Variants in RMDN2 observed in about 807,000 individuals in gnomAD.
RMDN2 encodes regulator of microtubule dynamics 2.
RMDN2 carries 61 observed loss-of-function variants against 52.8 expected under a neutral mutation model. That is an observed-to-expected ratio of 1.16 (90% CI 0.94 to 1.43). RMDN2 has a LOEUF of 1.43. RMDN2 is among the 40% of genes most tolerant of loss of function. RMDN2 has a pLI of 0.00. For missense variants in RMDN2, 592 were observed against 475.3 expected (o/e 1.25, Z -2.28); for synonymous variants, 180 against 153.1 (o/e 1.18, Z -1.30).
intron 2 of RMDN2, among the ~76,000 whole-genome samples, chr2:37,936,074 G>A (rs567010394): frequency 2.2e-4 from 34 of 152,074 alleles, no homozygotes; most frequent in African/African-American, 7.7e-4. Context: ...GACAGTCCCC[G>A]GTGTGTGATG....
At chr2:38,055,897 C>T (rs1474917141) in intron 10 of RMDN2, among the ~76,000 whole-genome samples, 2 of 152,138 alleles carry the variant, frequency 1.3e-5, no homozygotes, top group Non-Finnish European at 2.9e-5. Context: ...GTCATCTTCC[C>T]TGAAGACTGG....
At chr2:38,052,499 C>T (rs1681662478) in intron 10 of RMDN2, among the ~76,000 whole-genome samples, 2 of 152,098 alleles carry the variant, frequency 1.3e-5, no homozygotes, top group Admixed American at 6.5e-5. Flanking sequence ...TTGATTGTTT[C>T]CTTTGCTGTA....
At chr2:38,028,815 T>C (rs559307339) in intron 10 of RMDN2, among the ~76,000 whole-genome samples, 260 of 152,238 alleles carry the variant, frequency 1.7e-3, no homozygotes, top group African/African-American at 5.5e-3. Flanking sequence ...TTTTATATCC[T>C]TCTCCTTGGG....
downstream of RMDN2, among the ~76,000 whole-genome samples, chr2:38,018,868 A>G (rs1010625760): frequency 6.6e-6 from 1 of 152,222 alleles, no homozygotes; most frequent in Non-Finnish European, 1.5e-5. Context: ...TCCCAAATAC[A>G]TGGGTGCACA....
At chr2:38,005,717 T>TTTGTGAA (rs1676984081) in intron 10 of RMDN2, among the ~76,000 whole-genome samples, 1 of 152,232 alleles carries the variant, frequency 6.6e-6, no homozygotes, top group African/African-American at 2.4e-5. Flanking sequence ...TTAGATCCCA[T>TTTGTGAA]TTGTGAATTT....
chr2:38,039,073 CACACACACACACACACACACAG>C (rs929728935), intron 10 of RMDN2, among the ~76,000 whole-genome samples: 1 of 110,240 alleles, frequency 9.1e-6, no homozygotes, highest in African/African-American at 3.8e-5. Flanking sequence ...CACACACACA[CACACACACACACACACACACAG>C]AGAGAGAGAT....
At chr2:37,936,197 C>T (rs965091466) in intron 2 of RMDN2, among the ~76,000 whole-genome samples, 2 of 152,170 alleles carry the variant, frequency 1.3e-5, no homozygotes, top group African/African-American at 4.8e-5. Context: ...TGGTTTCCAG[C>T]TTCATCCGTG....
At chr2:38,013,598 C>G (rs1240647857) in intron 10 of RMDN2, among the ~76,000 whole-genome samples, 1 of 152,194 alleles carries the variant, frequency 6.6e-6, no homozygotes, top group Non-Finnish European at 1.5e-5. Flanking sequence ...GGTAACTGCT[C>G]TTAGTAACAA....
At chr2:37,935,560 A>C (rs565964351) in intron 2 of RMDN2, among the ~76,000 whole-genome samples, 1 of 152,312 alleles carries the variant, frequency 6.6e-6, no homozygotes, top group South Asian at 2.1e-4. Flanking sequence ...TCACGTATAT[A>C]ATTGAAGTAC....
chr2:37,963,927 C>T (rs1367037827), intron 2 of RMDN2, among the ~76,000 whole-genome samples: 6 of 147,698 alleles, frequency 4.1e-5, no homozygotes, highest in African/African-American at 1.3e-4. Context: ...CCGGACGGGG[C>T]GGCGGCCAGG....
intron 5 of RMDN2, among the ~76,000 whole-genome samples, chr2:37,982,740 A>G (rs1424023033): frequency 9.9e-5 from 15 of 152,208 alleles, no homozygotes; most frequent in Admixed American, 9.2e-4. Flanking sequence ...ACAATTTGGT[A>G]CAGACTTAAG....
At chr2:37,984,587 A>G (rs1469189944) in intron 5 of RMDN2, among the ~76,000 whole-genome samples, 1 of 152,208 alleles carries the variant, frequency 6.6e-6, no homozygotes, top group African/African-American at 2.4e-5. Flanking sequence ...TTCTGTTAAC[A>G]GTATGCTGCC....
chr2:37,947,605 C>G (rs879693883), intron 2 of RMDN2, among the ~76,000 whole-genome samples: 14 of 152,066 alleles, frequency 9.2e-5, no homozygotes, highest in Non-Finnish European at 1.5e-4. Flanking sequence ...ATGAATGTTG[C>G]TGTTACTGTC....
chr2:37,979,912 C>T (rs565917187), intron 4 of RMDN2, among the ~76,000 whole-genome samples: 1 of 152,004 alleles, frequency 6.6e-6, no homozygotes, highest in Non-Finnish European at 1.5e-5. Flanking sequence ...TTTAAAATTG[C>T]TAATTTCTTT....
rs767160512 is a variant in RMDN2, at chr2:37,981,357, A to AC, written c.791+14_791+15insC. The AC allele has an allele frequency of 1.1e-5, 17 of 1,558,998 alleles. No individual in the cohort carries two copies. The South Asian group carries it at 1.9e-4, about 17-fold the overall frequency. On this transcript the variant is annotated intron_variant, in intron 5 of 10. Coordinates refer to ENST00000354545, the MANE Select transcript of RMDN2 (RefSeq NM_001170791.3). ...TTGTCATCTGTGGTAAGTGTATAGG[A>AC]TTTATGCAGTCTTTTAAATTCTAAC...
In RMDN2 at chr2:37,997,483, C is replaced by T. The variant is rs750434218; in HGVS notation, c.1013C>T (p.Thr338Ile). 8 of 1,613,214 alleles carry T rather than the reference C, an allele frequency of 5.0e-6. No individual in the cohort carries two copies. Among genetic ancestry groups the T allele is most frequent in the Non-Finnish European group, 6.8e-6 (8 of 1,179,354 alleles). Reference sequence around the variant, plus strand: ...CTGTTTGGAAAAATACCATCTTCAACTGTACAAGAAGCTTTACACAATTTC... The same window carrying T: ...CTGTTTGGAAAAATACCATCTTCAATTGTACAAGAAGCTTTACACAATTTC... ...ATLFGKIPSS[T>I]VQEALHNFLK... Residue 338 changes from threonine to isoleucine, a missense_variant, in exon 8 of 11, where the codon ACT becomes ATT. Thr to Ile is a moderately conservative substitution (Grantham distance 89). Transcript: ENST00000354545.
intron 10 of RMDN2, among the ~76,000 whole-genome samples, chr2:38,033,963 G>T (rs1268108426): frequency 6.6e-6 from 1 of 152,200 alleles, no homozygotes; most frequent in Non-Finnish European, 1.5e-5. Context: ...GTAAAAATTT[G>T]CAGAAAGCTA....
chr2:37,938,376 C>T (rs189864751), intron 2 of RMDN2, among the ~76,000 whole-genome samples: 1 of 152,118 alleles, frequency 6.6e-6, no homozygotes. Context: ...TGTGTCTCTG[C>T]CAGGTTTTGG....
chr2:38,044,899 G>A (rs1681178635), intron 10 of RMDN2, among the ~76,000 whole-genome samples: 1 of 152,034 alleles, frequency 6.6e-6, no homozygotes, highest in South Asian at 2.1e-4. Context: ...CCTAATCCTA[G>A]TATAATAGGT....
Sources: allele counts gnomAD v4.1 joint callset (sites outside exome capture counted in the v4.1 genomes callset), GRCh38; gene constraint gnomAD v4.1.1; transcripts MANE v1.5; gene names NCBI Gene and HGNC (gene_info 2026-07-23, HGNC 2026-07-21).